TOMM20: variants seen among roughly 807,000 people sequenced by gnomAD.
TOMM20 encodes the protein mitochondrial import receptor subunit TOM20 homolog.
TOMM20 carries 10 observed loss-of-function variants against 22.1 expected under a neutral mutation model. The observed-to-expected ratio is 0.45, with a 90% CI of 0.28 to 0.77. The LOEUF is 0.77. TOMM20 is among the 30% of genes least tolerant of loss of function. The probability of loss-of-function intolerance (pLI) is 0.13; values close to 1 mark genes in which losing one functional copy is unlikely to be tolerated. For missense variants in TOMM20, 121 were observed against 172.2 expected, an observed-to-expected ratio of 0.70 and a Z score of 1.66; for synonymous variants, 55 against 61.4, an observed-to-expected ratio of 0.90 and a Z score of 0.49.
At chr1:235,117,688 T>C (rs1286603466) in intron 3 of TOMM20, among the ~76,000 whole-genome samples, 4 of 152,152 alleles carry the variant, frequency 2.6e-5, no homozygotes, top group African/African-American at 7.2e-5. Context: ...TGCTACCAAT[T>C]GGCTGCTGTG....
intron 3 of TOMM20, among the ~76,000 whole-genome samples, chr1:235,117,999 C>CGA (rs1255789828): frequency 6.6e-6 from 1 of 152,192 alleles, no homozygotes. Context: ...CAGGGCTGCA[C>CGA]ACTGATCCAC....
intron 2 of TOMM20, 71 bp from the exon 3 acceptor site, chr1:235,119,970 T>C (rs1660902146): frequency 3.1e-6 from 3 of 970,648 alleles, no homozygotes; most frequent in East Asian, 5.3e-5. Flanking sequence ...CAGATATCAA[T>C]AAAAATAAAA....
chr1:235,113,822 A>T lies in TOMM20; in HGVS notation c.339T>A (p.Thr113=), dbSNP rs145956114. 170 of 1,613,804 alleles carry T rather than the reference A, an allele frequency of 1.1e-4. No homozygotes were observed. The highest frequency in any genetic ancestry group is 3.3e-5 in the Admixed American group (2 of 59,986). ...PQQLLQVLQQ[T]LPPPVFQMLL... is the part of the protein sequence containing the mutation. Reference sequence around the variant, plus strand: ...GCATCTGGAACACTGGTGGTGGAAGAGTTTGCTGTAAGACCTGCAGTAACT... The same window carrying T: ...GCATCTGGAACACTGGTGGTGGAAGTGTTTGCTGTAAGACCTGCAGTAACT... Residue 113 remains threonine, a synonymous_variant, in exon 4 of 5, where the codon ACT becomes ACA. Transcript: ENST00000366607.
chr1:235,116,946 T>A (rs187651276), intron 3 of TOMM20, among the ~76,000 whole-genome samples: 56 of 148,852 alleles, frequency 3.8e-4, no homozygotes, highest in African/African-American at 8.7e-4. Flanking sequence ...CCATCCTGGC[T>A]AACATGGTGA....
Position 235,128,801 on chromosome 1 carries a change from C to G in TOMM20, c.-86G>C. On this transcript the variant is annotated 5_prime_UTR_variant, in exon 1 of 5. Coordinates refer to ENST00000366607, the MANE Select transcript of TOMM20 (RefSeq NM_014765.3). Reference sequence around the variant, plus strand: ...CGAACCCTCAGAGCGGTCGGCGCAGCTCACACCCGACGGCCGCGGGCCAGG... The same window carrying G: ...CGAACCCTCAGAGCGGTCGGCGCAGGTCACACCCGACGGCCGCGGGCCAGG... 6.3e-7 allele frequency: 1 copy of G among 1,579,828 alleles called. No individual in the cohort carries two copies. Among genetic ancestry groups the G allele is most frequent in the Non-Finnish European group, 8.6e-7 (1 of 1,164,550 alleles).
chr1:235,123,641 A>G (rs1000658723), intron 1 of TOMM20, among the ~76,000 whole-genome samples: 3 of 152,210 alleles, frequency 2.0e-5, no homozygotes, highest in Admixed American at 1.3e-4. Context: ...GCTTAAATAC[A>G]ATTCTAGCCA....
intron 3 of TOMM20, among the ~76,000 whole-genome samples, chr1:235,117,097 T>C (rs1245654318): frequency 5.2e-5 from 6 of 116,010 alleles, no homozygotes; most frequent in African/African-American, 1.3e-4. Context: ...ATCGCGCCAC[T>C]GCACTCCAGC....
At chr1:235,112,191 T>C in intron 4 of TOMM20, 83 bp from the exon 5 acceptor site, 1 of 1,101,158 alleles carries the variant, frequency 9.1e-7, no homozygotes, top group South Asian at 1.5e-5. Flanking sequence ...GCTCTTTGTA[T>C]TCAAAGAATT....
At position 235,110,929 on chromosome 1, in the gene TOMM20, C is replaced by A. The variant is rs1660729495; in HGVS notation, c.*1135G>T. 1 of 152,200 alleles carries A rather than the reference C, an allele frequency of 6.6e-6. No homozygotes were observed. Among genetic ancestry groups the A allele is most frequent in the Admixed American group, 6.5e-5 (1 of 15,286 alleles). The allele number at this position is 152,200 out of a possible 1,614,324, so 9.4% of individuals were successfully genotyped here. ...AATAAGAGGTCCCACCTGCTCCACT[C>A]TTTTCAAGTTTTCAGTCACAAGGTT... On this transcript the variant is annotated 3_prime_UTR_variant, in exon 5 of 5. Transcript: ENST00000366607.
intron 1 of TOMM20, among the ~76,000 whole-genome samples, chr1:235,126,157 C>T (rs1298997530): frequency 6.6e-6 from 1 of 151,484 alleles, no homozygotes; most frequent in African/African-American, 2.4e-5. Flanking sequence ...ATTTTGGAGA[C>T]AGAGTCTTGC....
At chr1:235,116,259 GC>G (rs1245745744) in intron 3 of TOMM20, among the ~76,000 whole-genome samples, 1 of 151,792 alleles carries the variant, frequency 6.6e-6, no homozygotes, top group African/African-American at 2.4e-5. Flanking sequence ...CAAAAATTAG[GC>G]CGGGGTGTGG....
chr1:235,119,339 C>T (rs746005280), intron 3 of TOMM20: 5 of 152,378 alleles, frequency 3.3e-5, no homozygotes, highest in Non-Finnish European at 5.9e-5. Context: ...ATGAACTCAC[C>T]GTGTGACCTT....
intron 3 of TOMM20, among the ~76,000 whole-genome samples, chr1:235,117,134 C>CAAAAAAAA (rs869235889): frequency 3.3e-5 from 1 of 30,388 alleles, no homozygotes. Flanking sequence ...GACTCCATCT[C>CAAAAAAAA]AAAAAAAAAA....
intron 3 of TOMM20, among the ~76,000 whole-genome samples, chr1:235,117,383 G>A (rs553384288): frequency 1.1e-4 from 16 of 150,484 alleles, no homozygotes; most frequent in East Asian, 3.9e-4. Context: ...GCTTGAACCC[G>A]GGAGGCAGAG....
At chr1:235,122,412 T>TA in intron 1 of TOMM20, 40 bp from the exon 2 acceptor site, 1 of 1,553,952 alleles carries the variant, frequency 6.4e-7, no homozygotes, top group Non-Finnish European at 8.7e-7. Context: ...TTTGTCATTA[T>TA]AAAAATGGGA....
At chr1:235,121,591 GTTAAC>G (rs1416667314) in intron 2 of TOMM20, among the ~76,000 whole-genome samples, 3 of 152,124 alleles carry the variant, frequency 2.0e-5, no homozygotes, top group Non-Finnish European at 2.9e-5. Context: ...AAATATACTG[GTTAAC>G]TTAATTTTTC....
At position 235,113,778 on chromosome 1, in the gene TOMM20, G is replaced by T; in HGVS notation, c.383C>A (p.Thr128Lys). 6.2e-7 allele frequency: 1 copy of T among 1,610,158 alleles called. No individual in the cohort carries two copies. ...ATTCCAATTCCTTACCTGACTAATTGTTGGGAGCTTAGTCAGAAGCATCTG... is the reference window on the plus strand; with the variant it reads ...ATTCCAATTCCTTACCTGACTAATTTTTGGGAGCTTAGTCAGAAGCATCTG... Reference protein sequence around the residue: ...VFQMLLTKLPTISQRIVSAQS... With the variant: ...VFQMLLTKLPKISQRIVSAQS... The change falls in exon 4 of 5, where the codon ACA becomes AAA. Residue 128 changes from threonine to lysine, a missense_variant. Transcript: ENST00000366607.
At chr1:235,116,925 G>A (rs748212603) in intron 3 of TOMM20, among the ~76,000 whole-genome samples, 2 of 150,264 alleles carry the variant, frequency 1.3e-5, no homozygotes, top group African/African-American at 2.5e-5. Context: ...CACAAGGTCA[G>A]GAGATCGAGA....
intron 1 of TOMM20, among the ~76,000 whole-genome samples, chr1:235,125,546 G>A (rs983626364): frequency 6.6e-6 from 1 of 151,934 alleles, no homozygotes; most frequent in Non-Finnish European, 1.5e-5. Flanking sequence ...AAAAAAGAAA[G>A]CCAATGAGCT....
Sources: gnomAD v4.1 joint callset for allele counts (sites outside exome capture counted in the v4.1 genomes callset) on GRCh38, gnomAD v4.1.1 for gene constraint, MANE v1.5 for transcripts, NCBI Gene and HGNC (gene_info 2026-07-23, HGNC 2026-07-21) for gene names.